The following FHIT variants were observed in gnomAD, a reference collection of about 807,000 sequenced individuals.
FHIT encodes the protein bis(5'-adenosyl)-triphosphatase.
Under a neutral mutation model 17.9 loss-of-function variants are expected in FHIT, and 19 were observed. That is an observed-to-expected ratio of 1.06 (90% confidence interval 0.74 to 1.56). The LOEUF is 1.56. FHIT is among the 40% of genes most tolerant of loss of function. The pLI is 0.00. For missense variants in FHIT, 248 were observed against 189.2 expected, an observed-to-expected ratio of 1.31 and a Z score of -1.82; for synonymous variants, 81 against 69.7, an observed-to-expected ratio of 1.16 and a Z score of -0.81.
At chr3:60,200,140 G>A (rs967085208) in intron 5 of FHIT, among the ~76,000 whole-genome samples, 2 of 152,110 alleles carry the variant, frequency 1.3e-5, no homozygotes, top group Admixed American at 6.6e-5. Flanking sequence ...ATGGGATTAG[G>A]AACAGGGTGT....
At chr3:59,908,850 T>TTTTTTTTTTTTTTTTTTTTTG (rs1553712872) in intron 8 of FHIT, among the ~76,000 whole-genome samples, 5 of 150,086 alleles carry the variant, frequency 3.3e-5, no homozygotes, top group African/African-American at 9.8e-5. Context: ...TTTCATTTTT[T>TTTTTTTTTTTTTTTTTTTTTG]AATAGTCCAA....
chr3:59,924,145 C>G (rs1269388391), intron 7 of FHIT, among the ~76,000 whole-genome samples: 1 of 152,166 alleles, frequency 6.6e-6, no homozygotes, highest in Non-Finnish European at 1.5e-5. Context: ...ACTGAAATCT[C>G]CAGATGGGCT....
intron 3 of FHIT, among the ~76,000 whole-genome samples, chr3:60,909,767 A>C (rs1301273744): frequency 6.6e-6 from 1 of 152,190 alleles, no homozygotes; most frequent in African/African-American, 2.4e-5. Context: ...CTAGGTAAAC[A>C]TACAAGGGAG....
chr3:60,371,627 G>C (rs1700333249), intron 5 of FHIT, among the ~76,000 whole-genome samples: 1 of 152,012 alleles, frequency 6.6e-6, no homozygotes, highest in Non-Finnish European at 1.5e-5. Flanking sequence ...TCTAACATTA[G>C]AGTTATCATT....
At chr3:60,416,251 G>A (rs1204004622) in intron 5 of FHIT, among the ~76,000 whole-genome samples, 1 of 151,984 alleles carries the variant, frequency 6.6e-6, no homozygotes, top group Non-Finnish European at 1.5e-5. Flanking sequence ...TGAAGAAGAG[G>A]AGAAATAGGT....
chr3:60,979,200 G>A lies in FHIT; in HGVS notation c.-111+62847C>T, dbSNP rs58069875. Reference sequence around the variant, plus strand: ...TTCTTCTCAAGCTCCCCTCTTCCCAGTCTCTCTCCTCCAATCTGAAATTGG... The same window carrying A: ...TTCTTCTCAAGCTCCCCTCTTCCCAATCTCTCTCCTCCAATCTGAAATTGG... On this transcript the variant is annotated intron_variant, in intron 3 of 9. Transcript: ENST00000492590. Among the ~76,000 whole-genome samples, 902 of 152,188 alleles carry A rather than the reference G, an allele frequency of 5.9e-3. 8 individuals carry two copies. Among genetic ancestry groups the A allele is most frequent in the African/African-American group, 0.021 (870 of 41,512 alleles).
intron 5 of FHIT, among the ~76,000 whole-genome samples, chr3:60,238,150 A>AC (rs1220111609): frequency 6.6e-6 from 1 of 151,438 alleles, no homozygotes; most frequent in African/African-American, 2.4e-5. Flanking sequence ...TCTCAAAAAA[A>AC]AAAAAAAAAA....
At position 59,766,274 on chromosome 3, in the gene FHIT, C is replaced by T. The variant is rs1001794949; in HGVS notation, c.349-13953G>A. ...AAGAGAAATGATCATCCTTGAGAGG[C>T]ATGTAAGATTACAACATCGGATGAC... On this transcript the variant is annotated intron_variant, in intron 8 of 9. Transcript: ENST00000492590. Among the ~76,000 whole-genome samples, 4 of 152,206 alleles carry T rather than the reference C, an allele frequency of 2.6e-5. No homozygotes were observed. The East Asian group carries it at 7.7e-4, about 29-fold the overall frequency.
At chr3:60,571,335 C>CAATA (rs750168873) in intron 4 of FHIT, among the ~76,000 whole-genome samples, 11,353 of 54,686 alleles carry the variant, frequency 0.21, 2,714 homozygotes, top group South Asian at 0.35. Flanking sequence ...GACTCCATCG[C>CAATA]AAAAAAAAAA....
At chr3:60,992,422 A>G (rs949006911) in intron 3 of FHIT, among the ~76,000 whole-genome samples, 1 of 152,230 alleles carries the variant, frequency 6.6e-6, no homozygotes, top group African/African-American at 2.4e-5. Flanking sequence ...TATGTATTTC[A>G]GGGGATCAGA....
At chr3:60,928,569 T>C (rs1707778949) in intron 3 of FHIT, among the ~76,000 whole-genome samples, 1 of 144,184 alleles carries the variant, frequency 6.9e-6, no homozygotes, top group Non-Finnish European at 1.5e-5. Context: ...AATAAATAAA[T>C]AAATAAATCC....
chr3:60,549,347 C>T (rs935661185), intron 4 of FHIT, among the ~76,000 whole-genome samples: 1 of 152,148 alleles, frequency 6.6e-6, no homozygotes, highest in Non-Finnish European at 1.5e-5. Flanking sequence ...TTACTCGGTA[C>T]TTTCATCTTT....
At chr3:61,026,300 G>T (rs915703835) in intron 3 of FHIT, among the ~76,000 whole-genome samples, 1 of 152,076 alleles carries the variant, frequency 6.6e-6, no homozygotes, top group Non-Finnish European at 1.5e-5. Context: ...TGTTTGGGGG[G>T]CCTAGGTCTG....
chr3:60,463,388 A>C (rs1377691932), intron 5 of FHIT, among the ~76,000 whole-genome samples: 2 of 152,192 alleles, frequency 1.3e-5, no homozygotes, highest in Non-Finnish European at 2.9e-5. Context: ...ATTTAATTGC[A>C]TTTAGAAGGA....
chr3:60,275,230 G>GAAAAAAAA (rs67928408), intron 5 of FHIT, among the ~76,000 whole-genome samples: 6 of 131,064 alleles, frequency 4.6e-5, no homozygotes, highest in Non-Finnish European at 1.0e-4. Flanking sequence ...TGGAAGAAAA[G>GAAAAAAAA]AAAAAAAAAA....
intron 4 of FHIT, among the ~76,000 whole-genome samples, chr3:60,632,591 C>T (rs909497534): frequency 1.3e-5 from 2 of 152,104 alleles, no homozygotes; most frequent in East Asian, 1.9e-4. Flanking sequence ...CAAAACTAAT[C>T]GGATGAAAAT....
intron 2 of FHIT, among the ~76,000 whole-genome samples, chr3:61,170,936 A>G (rs948209710): frequency 1.3e-5 from 2 of 152,164 alleles, no homozygotes; most frequent in Non-Finnish European, 2.9e-5. Flanking sequence ...AAAAAATCCC[A>G]TTGGTATTAT....
intron 5 of FHIT, among the ~76,000 whole-genome samples, chr3:60,293,830 A>C (rs1393815284): frequency 6.6e-6 from 1 of 152,172 alleles, no homozygotes; most frequent in Non-Finnish European, 1.5e-5. Context: ...TATACCAGTC[A>C]AGTTTTACAT....
rs548182803 is a variant in FHIT, at chr3:60,599,084, G to A, written c.-17-62105C>T. On this transcript the variant is annotated intron_variant, in intron 4 of 9. Coordinates refer to ENST00000492590, the MANE Select transcript of FHIT (RefSeq NM_002012.4). The stretch of plus-strand genomic sequence containing the variant: ...CTGTGGGCATACTAGCAAAAGAAAA[G>A]TTACAGGAAGATTGGTACTGGGGTG... Among the ~76,000 whole-genome samples, 3 of 152,264 alleles carry A rather than the reference G, an allele frequency of 2.0e-5. No homozygotes were observed. The South Asian group carries it at 6.2e-4, about 32-fold the overall frequency.
Sources: allele counts gnomAD v4.1 joint callset (sites outside exome capture counted in the v4.1 genomes callset), GRCh38; gene constraint gnomAD v4.1.1; transcripts MANE v1.5; gene names NCBI Gene and HGNC (gene_info 2026-07-23, HGNC 2026-07-21).